STX17: variants seen among roughly 807,000 people sequenced by gnomAD.
STX17 encodes the protein syntaxin-17.
A neutral mutation model predicts 35.9 loss-of-function variants in STX17; 29 were observed. The ratio of observed to expected loss-of-function variants is 0.81; its 90% CI spans 0.60 to 1.10. The LOEUF is 1.10. Ranked by LOEUF, STX17 falls within the 50% of genes least tolerant of loss-of-function variation. The pLI is 0.00. For synonymous variants in STX17, 92 were observed against 118.3 expected (o/e 0.78, Z 1.44); for missense variants, 312 against 352.3 (o/e 0.89, Z 0.92).
rs942733244 is a variant in STX17 at position 99,928,786 on chromosome 9, G to A, written c.132G>A (p.Arg44=). The A allele has an allele frequency of 3.1e-6, 5 of 1,613,112 alleles. No individual in the cohort carries two copies. The highest frequency in any genetic ancestry group is 3.3e-5 in the Admixed American group (2 of 59,966). ...KHQINIEKYQ[R]CRIWDKLHEE... ...TTCTTTCTTTTATATAGTATCAAAG[G>A]TGCAGAATCTGGGACAAGTTGCATG... Residue 44 remains arginine (R), a synonymous_variant, in exon 3 of 8, where the codon AGG becomes AGA. Transcript: ENST00000259400.
intron 3 of STX17, among the ~76,000 whole-genome samples, chr9:99,947,550 C>T (rs776305750): frequency 9.9e-5 from 15 of 152,154 alleles, no homozygotes; most frequent in Non-Finnish European, 1.9e-4. Context: ...ATGATGTTAT[C>T]TTCCTCCAGA....
chr9:99,974,314 C>G lies in STX17; in HGVS notation c.*5641C>G, dbSNP rs903305377. 6.6e-6 allele frequency among the ~76,000 whole-genome samples: 1 copy of G among 152,136 alleles called. No individual in the cohort carries two copies. Among genetic ancestry groups the G allele is most frequent in the East Asian group, 1.9e-4 (1 of 5,198 alleles). ...GATTTTCTTGTATTAAGGTTAATCA[C>G]TAAAAAGGTGTTTACTTGGGTTTCG... On this transcript the variant is annotated 3_prime_UTR_variant, in exon 8 of 8. Coordinates refer to ENST00000259400, the MANE Select transcript of STX17 (RefSeq NM_017919.3).
chr9:99,922,864 G>A (rs1564060169), intron 2 of STX17, among the ~76,000 whole-genome samples: 3 of 152,198 alleles, frequency 2.0e-5, no homozygotes, highest in African/African-American at 4.8e-5. Context: ...TGTCACACAA[G>A]CCAAAAGTTG....
At chr9:99,960,227 T>C in intron 6 of STX17, 72 bp downstream of exon 6, 1 of 1,417,312 alleles carries the variant, frequency 7.1e-7, no homozygotes, top group East Asian at 2.3e-5. Context: ...ATCACTAGGC[T>C]TTTAATTAGA....
intron 2 of STX17, 43 bp downstream of exon 2, chr9:99,915,405 T>C (rs1370106785): frequency 6.4e-7 from 1 of 1,557,114 alleles, no homozygotes; most frequent in Non-Finnish European, 8.7e-7. Context: ...GTTACATAGT[T>C]TGATTTATAT....
chr9:99,923,739 C>G (rs1828934762), intron 2 of STX17, among the ~76,000 whole-genome samples: 2 of 152,184 alleles, frequency 1.3e-5, no homozygotes, highest in Admixed American at 1.3e-4. Flanking sequence ...TTCTAAACAA[C>G]CAGCTTCAAG....
chr9:99,934,635 A>G (rs952626586), intron 3 of STX17, among the ~76,000 whole-genome samples: 1 of 152,150 alleles, frequency 6.6e-6, no homozygotes, highest in Non-Finnish European at 1.5e-5. Flanking sequence ...TGTTTACTCT[A>G]AGTTATTTAA....
chr9:99,924,755 C>G (rs1477158135), intron 2 of STX17, among the ~76,000 whole-genome samples: 1 of 151,854 alleles, frequency 6.6e-6, no homozygotes, highest in African/African-American at 2.4e-5. Context: ...TCTCTCCCTT[C>G]TTTCATCCTT....
Position 99,923,663 on chromosome 9 carries a change from T to A in STX17, c.124-5115T>A, listed in dbSNP as rs538000568. On this transcript the variant is annotated intron_variant, in intron 2 of 7. Coordinates refer to ENST00000259400, the MANE Select transcript of STX17 (RefSeq NM_017919.3). ...AGAGATAGCCTCAGAAACCACAGTT[T>A]GAGAGTCAAGTCCCACAAGACCACA... Among the ~76,000 whole-genome samples, 3 of 152,288 alleles carry A rather than the reference T, an allele frequency of 2.0e-5. No individual in the cohort carries two copies. The South Asian group carries it at 6.2e-4, about 32-fold the overall frequency.
At chr9:99,922,617 T>G (rs1828910716) in intron 2 of STX17, among the ~76,000 whole-genome samples, 1 of 152,234 alleles carries the variant, frequency 6.6e-6, no homozygotes, top group Admixed American at 6.5e-5. Context: ...TAAATGCCAC[T>G]GTCTCACAGT....
At chr9:99,940,214 A>G (rs1348729323) in intron 3 of STX17, among the ~76,000 whole-genome samples, 1 of 150,826 alleles carries the variant, frequency 6.6e-6, no homozygotes, top group South Asian at 2.1e-4. Context: ...CACTGCAACC[A>G]CCACCTCCCG....
chr9:99,927,500 G>T (rs1829011376), intron 2 of STX17, among the ~76,000 whole-genome samples: 1 of 151,958 alleles, frequency 6.6e-6, no homozygotes, highest in South Asian at 2.1e-4. Flanking sequence ...TTGAGAAGGA[G>T]TCTCACTCTG....
chr9:99,933,399 C>CT (rs1417628592), intron 3 of STX17, among the ~76,000 whole-genome samples: 20 of 152,246 alleles, frequency 1.3e-4, no homozygotes, highest in African/African-American at 4.8e-4. Context: ...AGTGTTTTGG[C>CT]TATACTTGGC....
intron 2 of STX17, among the ~76,000 whole-genome samples, chr9:99,920,161 A>G (rs1357802479): frequency 6.6e-6 from 1 of 152,204 alleles, no homozygotes; most frequent in African/African-American, 2.4e-5. Context: ...GGTAATTCCA[A>G]TCTTGTCAGT....
intron 4 of STX17, 129 bp downstream of exon 4, chr9:99,951,414 T>G (rs550136665): frequency 1.3e-6 from 1 of 799,146 alleles, no homozygotes; most frequent in African/African-American, 1.7e-5. Flanking sequence ...TGCTGAATCC[T>G]TGGACCCTGA....
intron 4 of STX17, among the ~76,000 whole-genome samples, chr9:99,951,911 A>T (rs924286878): frequency 3.1e-4 from 47 of 151,878 alleles, no homozygotes; most frequent in South Asian, 8.3e-4. Flanking sequence ...CTTTTTTTTT[A>T]AAATCTTTTG....
intron 3 of STX17, among the ~76,000 whole-genome samples, chr9:99,945,259 C>T (rs924183023): frequency 6.6e-6 from 1 of 151,840 alleles, no homozygotes; most frequent in African/African-American, 2.4e-5. Flanking sequence ...AGTTCTTGTC[C>T]GGTTTTGCAT....
intron 1 of STX17, among the ~76,000 whole-genome samples, chr9:99,912,945 CTCTTAGTCCTTGTATG>C (rs1428917407): frequency 6.6e-6 from 1 of 152,040 alleles, no homozygotes; most frequent in African/African-American, 2.4e-5. Flanking sequence ...GTAATAAACT[CTCTTAGTCCTTGTATG>C]TCTGAAAATG....
At chr9:99,933,970 T>G (rs887803999) in intron 3 of STX17, among the ~76,000 whole-genome samples, 2 of 152,172 alleles carry the variant, frequency 1.3e-5, no homozygotes, top group African/African-American at 2.4e-5. Flanking sequence ...GGAACTTACA[T>G]AGACAGGAAT....
Sources: allele counts gnomAD v4.1 joint callset (sites outside exome capture counted in the v4.1 genomes callset), GRCh38; gene constraint gnomAD v4.1.1; transcripts MANE v1.5; gene names NCBI Gene and HGNC (gene_info 2026-07-23, HGNC 2026-07-21).